The following TGFBR3 variants were observed in gnomAD, a reference collection of about 807,000 sequenced individuals.
The protein encoded by TGFBR3 is transforming growth factor beta receptor type 3.
TGFBR3 carries 46 observed loss-of-function variants against 87.9 expected under a neutral mutation model. The observed-to-expected ratio is 0.52, with a 90% CI of 0.41 to 0.67. The LOEUF is 0.67. Ranked by LOEUF, TGFBR3 falls within the 30% of genes least tolerant of loss-of-function variation. The probability of loss-of-function intolerance (pLI) is 0.00; values close to 1 mark genes in which losing one functional copy is unlikely to be tolerated. For missense variants in TGFBR3, 866 were observed against 1,041.9 expected, an observed-to-expected ratio of 0.83 and a Z score of 2.32; for synonymous variants, 381 against 391.6, an observed-to-expected ratio of 0.97 and a Z score of 0.32.
Position 91,797,351 on chromosome 1 carries a change from G to A in TGFBR3, c.182C>T (p.Pro61Leu). Residue 61 changes from proline (P) to leucine (L), a missense_variant, in exon 3 of 17, where the codon CCA becomes CTA. By Grantham distance (98) the Pro-to-Leu change is moderately conservative. Coordinates refer to ENST00000212355, the MANE Select transcript of TGFBR3 (RefSeq NM_003243.5). ...GCASRGTTGL[P>L]QEVHVLNLRT... Reference sequence around the variant, plus strand: ...GAGATTCAGGACATGCACCTCCTGTGGCAGCCCAGTTGTGCCTCTGCTGGC... The same window carrying A: ...GAGATTCAGGACATGCACCTCCTGTAGCAGCCCAGTTGTGCCTCTGCTGGC... The A allele has an allele frequency of 6.2e-7, 1 of 1,614,208 alleles. No individual in the cohort carries two copies. Among genetic ancestry groups the A allele is most frequent in the African/African-American group, 1.3e-5 (1 of 75,064 alleles).
intron 14 of TGFBR3, among the ~76,000 whole-genome samples, chr1:91,707,670 G>A (rs1027327458): frequency 1.3e-5 from 2 of 152,184 alleles, no homozygotes; most frequent in African/African-American, 4.8e-5. Context: ...GAGGCAGCCT[G>A]TAGCTCTAAT....
At chr1:91,860,490 T>C (rs967977581) in intron 2 of TGFBR3, among the ~76,000 whole-genome samples, 2 of 152,138 alleles carry the variant, frequency 1.3e-5, no homozygotes, top group African/African-American at 2.4e-5. Flanking sequence ...TATAATAAAA[T>C]AGAGCAAATT....
chr1:91,749,150 G>A (rs1673448500), intron 4 of TGFBR3, among the ~76,000 whole-genome samples: 1 of 152,130 alleles, frequency 6.6e-6, no homozygotes, highest in Admixed American at 6.5e-5. Flanking sequence ...GGCAGGCTTG[G>A]CTCCAAACAG....
At chr1:91,720,998 C>A (rs919185270) in intron 8 of TGFBR3, among the ~76,000 whole-genome samples, 24 of 152,268 alleles carry the variant, frequency 1.6e-4, no homozygotes, top group Middle Eastern at 6.8e-3. Context: ...AATCAATACT[C>A]AATATTTTGT....
chr1:91,764,409 T>C (rs1054521391), intron 3 of TGFBR3, among the ~76,000 whole-genome samples: 2 of 134,014 alleles, frequency 1.5e-5, no homozygotes, highest in African/African-American at 5.8e-5. Flanking sequence ...CCTGGAAAAA[T>C]ACTGGGAACT....
intron 1 of TGFBR3, among the ~76,000 whole-genome samples, chr1:91,903,338 C>CAGAAAAAA (rs753278622): frequency 2.0e-5 from 1 of 50,486 alleles, no homozygotes; most frequent in African/African-American, 6.9e-5. Flanking sequence ...GATTCTGCCT[C>CAGAAAAAA]AAAAAAAAAA....
chr1:91,872,079 AC>A (rs1678599648), intron 1 of TGFBR3, among the ~76,000 whole-genome samples: 1 of 152,180 alleles, frequency 6.6e-6, no homozygotes, highest in East Asian at 1.9e-4. Flanking sequence ...GGTGAATGAC[AC>A]TGCAGGCTTT....
rs1679283337 is a variant in TGFBR3, at chr1:91,885,943, C to T, written c.-179G>A. 1 of 449,112 alleles carries T rather than the reference C, an allele frequency of 2.2e-6. No individual in the cohort carries two copies. 27.8% of individuals were successfully genotyped at this position (449,112 alleles called of 1,614,324 possible). A position where few individuals can be genotyped will look rare whatever the true frequency, so the allele number is the denominator to read the frequency against. ...GTTGGAGGAAAGCGGCGGCAAGTTTCCCCGCCCAGCGCTCGGCGGCGGCGA... is the reference window on the plus strand; with the variant it reads ...GTTGGAGGAAAGCGGCGGCAAGTTTTCCCGCCCAGCGCTCGGCGGCGGCGA... On this transcript the variant is annotated 5_prime_UTR_variant, in exon 1 of 17. Transcript: ENST00000212355.
chr1:91,841,905 C>G (rs1677302783), intron 2 of TGFBR3, among the ~76,000 whole-genome samples: 1 of 151,586 alleles, frequency 6.6e-6, no homozygotes, highest in East Asian at 1.9e-4. Context: ...TCGAGACCAG[C>G]CTGGGCAACA....
In TGFBR3 at chr1:91,767,659, C is replaced by CCTGT. The variant is rs747202493; in HGVS notation, c.247-8913_247-8910dup. ...GCTGGAAGTAGAATGAATGTCTCTC[C>CCTGT]CTGTCTGTCTGTCTGTCTCTCCCCC... On this transcript the variant is annotated intron_variant, in intron 3 of 16. Transcript: ENST00000212355. Among the ~76,000 whole-genome samples, 12 of 121,482 alleles carry CCTGT rather than the reference C, an allele frequency of 9.9e-5. 4 individuals are homozygous for CCTGT. Among genetic ancestry groups the CCTGT allele is most frequent in the Non-Finnish European group, 2.2e-4 (12 of 55,638 alleles). The allele number at this position is 121,482 out of a possible 152,430, so 79.7% of individuals were successfully genotyped here.
At chr1:91,810,262 T>A (rs1052212608) in intron 2 of TGFBR3, among the ~76,000 whole-genome samples, 2 of 152,182 alleles carry the variant, frequency 1.3e-5, no homozygotes, top group Admixed American at 1.3e-4. Flanking sequence ...TTTTGTCATG[T>A]TGCCCAGGCT....
chr1:91,823,159 C>T (rs1676513438), intron 2 of TGFBR3, among the ~76,000 whole-genome samples: 5 of 151,970 alleles, frequency 3.3e-5, no homozygotes. Flanking sequence ...CCTAATTCAC[C>T]TCAAAGAAGG....
intron 16 of TGFBR3, among the ~76,000 whole-genome samples, chr1:91,691,192 T>C (rs2810888): frequency 0.13 from 19,500 of 151,734 alleles, 1,366 homozygotes; most frequent in South Asian, 0.25. Context: ...AACTTTCAAA[T>C]AAAATGATTT....
At chr1:91,893,626 A>T (rs912617420) in intron 2 of TGFBR3, among the ~76,000 whole-genome samples, 1 of 152,048 alleles carries the variant, frequency 6.6e-6, no homozygotes. Flanking sequence ...GTTAAATAGA[A>T]ATTTGTTTTT....
At chr1:91,800,607 G>A (rs1412691552) in intron 2 of TGFBR3, among the ~76,000 whole-genome samples, 1 of 151,632 alleles carries the variant, frequency 6.6e-6, no homozygotes, top group African/African-American at 2.4e-5. Context: ...AGTAGTATTT[G>A]GTTTTCGAAG....
chr1:91,705,551 AT>A (rs138123692), intron 14 of TGFBR3, among the ~76,000 whole-genome samples: 31,534 of 152,150 alleles, frequency 0.21, 3,571 homozygotes, highest in Middle Eastern at 0.31. Flanking sequence ...TCAAATGACT[AT>A]TCCAATTCAC....
chr1:91,887,235 C>CTTTTTTTTT (rs1557764185), upstream of TGFBR3, among the ~76,000 whole-genome samples: 2 of 12,816 alleles, frequency 1.6e-4, no homozygotes, highest in Non-Finnish European at 6.2e-4. Flanking sequence ...TGGACCTATG[C>CTTTTTTTTT]CTTTTTTTTT....
At chr1:91,830,215 CTCTG>C (rs1676803807) in intron 2 of TGFBR3, 1 of 152,274 alleles carries the variant, frequency 6.6e-6, no homozygotes. Context: ...TGTTCTTTGC[CTCTG>C]TCTTTCTCTG....
chr1:91,815,212 GA>G (rs1323793386), intron 2 of TGFBR3, among the ~76,000 whole-genome samples: 1 of 151,874 alleles, frequency 6.6e-6, no homozygotes, highest in Non-Finnish European at 1.5e-5. Context: ...TGAGGTAGGA[GA>G]ATCACTTGGA....
Sources: gnomAD v4.1 joint callset for allele counts (sites outside exome capture counted in the v4.1 genomes callset) on GRCh38, gnomAD v4.1.1 for gene constraint, MANE v1.5 for transcripts, NCBI Gene and HGNC (gene_info 2026-07-23, HGNC 2026-07-21) for gene names.